The following BRD4 variants were observed in gnomAD, a reference collection of about 807,000 sequenced individuals.
BRD4 encodes bromodomain containing 4, also known as bromodomain-containing protein 4.
In BRD4, 16 loss-of-function variants were observed where a neutral mutation model predicts 142.1. The ratio of observed to expected loss-of-function variants is 0.11; its 90% confidence interval spans 0.08 to 0.17. BRD4 has a LOEUF of 0.17. BRD4 is among the 10% of genes least tolerant of loss of function. The pLI is 1.00. For synonymous variants in BRD4, 833 were observed against 707.5 expected, an observed-to-expected ratio of 1.18 and a Z score of -2.82; for missense variants, 1,424 against 1,810.9, an observed-to-expected ratio of 0.79 and a Z score of 3.88.
intron 11 of BRD4, chr19:15,248,093 G>A (rs2047307394): frequency 4.6e-6 from 1 of 219,062 alleles, no homozygotes; most frequent in Non-Finnish European, 9.2e-6. Flanking sequence ...TTTAAAAAAG[G>A]AGAAAAAATG....
chr19:15,315,374 CTGCAGTGAA>C (rs2048007975), intron 1 of BRD4, among the ~76,000 whole-genome samples: 1 of 152,130 alleles, frequency 6.6e-6, no homozygotes, highest in South Asian at 2.1e-4. Flanking sequence ...ACTGTCATGT[CTGCAGTGAA>C]TGCAGAACAG....
chr19:15,281,534 A>C (rs941026713), intron 1 of BRD4, among the ~76,000 whole-genome samples: 2 of 152,226 alleles, frequency 1.3e-5, no homozygotes, highest in African/African-American at 4.8e-5. Flanking sequence ...ATGCTGCAGC[A>C]TCTTTTCACT....
At chr19:15,280,227 G>A in intron 1 of BRD4, 1 of 1,002,432 alleles carries the variant, frequency 1.0e-6, no homozygotes, top group Non-Finnish European at 1.2e-6. Context: ...AACAGTGTGT[G>A]CTTCAAGTCC....
rs2047200855 is a variant in BRD4, at chr19:15,237,273, AAAG to A, written c.*1101_*1103del. The A allele has an allele frequency of 4.9e-6, 1 of 203,286 alleles. No homozygotes were observed. Among genetic ancestry groups the A allele is most frequent in the Non-Finnish European group, 1.0e-5 (1 of 100,086 alleles). 12.6% of individuals were successfully genotyped at this position (203,286 alleles called of 1,614,324 possible). A position where few individuals can be genotyped will look rare whatever the true frequency, so the allele number is the denominator to read the frequency against. On this transcript the variant is annotated 3_prime_UTR_variant, in exon 20 of 20. Coordinates refer to ENST00000679869, the MANE Select transcript of BRD4 (RefSeq NM_001379291.1). ...GGGGGGGGGGGGTGGAGGGGAAAGAAAAGAAATTGTAGCTTTCTGGTTTTATAA... is the reference window on the plus strand; with the variant it reads ...GGGGGGGGGGGGTGGAGGGGAAAGAAAAATTGTAGCTTTCTGGTTTTATAA...
Position 15,237,803 on chromosome 19 carries a change from C to T in BRD4, c.*574G>A, listed in dbSNP as rs974663828. ...TGCACAAGCAAACACTTACAGAGAG[C>T]GGCTCTCAATTAAAGGCTTGTGGGG... On this transcript the variant is annotated 3_prime_UTR_variant, in exon 20 of 20. Coordinates refer to ENST00000679869, the MANE Select transcript of BRD4 (RefSeq NM_001379291.1). 2 of 231,756 alleles carry T rather than the reference C, an allele frequency of 8.6e-6. No homozygotes were observed. The highest frequency in any genetic ancestry group is 1.2e-4 in the East Asian group (2 of 16,338). The allele number at this position is 231,756 out of a possible 1,614,324, so 14.4% of individuals were successfully genotyped here.
At chr19:15,318,093 G>A (rs2048031474) in intron 1 of BRD4, among the ~76,000 whole-genome samples, 1 of 152,112 alleles carries the variant, frequency 6.6e-6, no homozygotes, top group South Asian at 2.1e-4. Flanking sequence ...ACTCTTTCAC[G>A]CACATGATCT....
At chr19:15,258,340 T>C (rs931387957) in intron 7 of BRD4, among the ~76,000 whole-genome samples, 1 of 152,336 alleles carries the variant, frequency 6.6e-6, no homozygotes, top group Admixed American at 6.5e-5. Context: ...AACTTTTTTT[T>C]TGGAGACAGT....
At position 15,256,778 on chromosome 19, in the gene BRD4, A is replaced by G. The variant is rs137910524; in HGVS notation, c.1551+186T>C. 4.7e-3 allele frequency among the ~76,000 whole-genome samples: 719 copies of G among 152,280 alleles called. 5 individuals carry two copies. The highest frequency in any genetic ancestry group is 0.017 in the African/African-American group (700 of 41,546). On this transcript the variant is annotated intron_variant, in intron 8 of 19. Transcript: ENST00000679869. ...ATCCCCAACCGCAAGCTCAACACAT[A>G]TATCATACATACGTGTATGATCAAC...
intron 11 of BRD4, among the ~76,000 whole-genome samples, chr19:15,252,556 TG>T (rs1489287805): frequency 6.6e-6 from 1 of 152,086 alleles, no homozygotes; most frequent in Admixed American, 6.5e-5. Context: ...CTGCTGCGAG[TG>T]GGGGCCCTAG....
intron 1 of BRD4, among the ~76,000 whole-genome samples, chr19:15,303,133 T>C (rs10407031): frequency 0.013 from 1,982 of 151,732 alleles, 46 homozygotes; most frequent in African/African-American, 0.045. Context: ...AAAGGAGTAA[T>C]ACACAGTCCA....
In BRD4 at chr19:15,239,651, G is replaced by A. The variant is rs1599429491; in HGVS notation, c.3445+8C>T. On this transcript the variant is annotated splice_region_variant and intron_variant, in intron 16 of 19. Coordinates refer to ENST00000679869, the MANE Select transcript of BRD4 (RefSeq NM_001379291.1). This position sits in a 1 kb window ranked among gnomAD's most constrained non-coding sequence, Gnocchi z 7.4. ...TGAGCCCTGGCTGTGGGCAGGGAGA[G>A]CACTCACGCTGGGGCAGGTGGACGG... 6 of 1,573,188 alleles carry A rather than the reference G, an allele frequency of 3.8e-6. No individual in the cohort carries two copies. The East Asian group carries it at 1.3e-4, about 35-fold the overall frequency.
In BRD4 at chr19:15,239,982, G is replaced by A. The variant is rs1215764368; in HGVS notation, c.3210C>T (p.Ser1070=). ...REAPSPLMIH[S]PQMSQFQSLT... is the part of the protein sequence containing the mutation. ...GGCTCTGGAACTGTGACATCTGGGG[G>A]GAATGTATCATAAGCGGGGAGGGGG... The change falls in exon 15 of 20, where the codon TCC becomes TCT. Residue 1070 remains serine, a synonymous_variant. Transcript: ENST00000679869. The surrounding 1 kb of genome is among the most constrained non-coding windows in gnomAD (Gnocchi z 7.4). The A allele has an allele frequency of 6.2e-6, 10 of 1,613,688 alleles. No individual in the cohort carries two copies. The highest frequency in any genetic ancestry group is 8.5e-6 in the Non-Finnish European group (10 of 1,179,944).
chr19:15,280,169 G>T, intron 1 of BRD4: 1 of 813,016 alleles, frequency 1.2e-6, no homozygotes, highest in Non-Finnish European at 1.5e-6. Flanking sequence ...ATCCCCATGG[G>T]GACAGAGGCA....
intron 11 of BRD4, chr19:15,248,481 C>G (rs977527271): frequency 9.1e-5 from 20 of 220,308 alleles, no homozygotes; most frequent in Non-Finnish European, 1.5e-4. Flanking sequence ...TTCACCAGTG[C>G]CTGCCTGGCA....
At chr19:15,261,132 G>A (rs746594501) in intron 7 of BRD4, among the ~76,000 whole-genome samples, 2 of 152,304 alleles carry the variant, frequency 1.3e-5, no homozygotes, top group South Asian at 2.1e-4. Context: ...TGGAGGAGTT[G>A]AAGGCACCAA....
rs2047197537 is a variant in BRD4 at position 15,237,062 on chromosome 19, T to C, written c.*1315A>G. The C allele has an allele frequency of 4.9e-6, 1 of 205,428 alleles. No individual in the cohort carries two copies. Among genetic ancestry groups the C allele is most frequent in the African/African-American group, 2.3e-5 (1 of 42,876 alleles). 12.7% of individuals were successfully genotyped at this position (205,428 alleles called of 1,614,324 possible). ...AGCATGGGCAGGAGCGGCCAGCTGG[T>C]TGGGGCTGGGCGCCAGGTAGGGGAG... On this transcript the variant is annotated 3_prime_UTR_variant, in exon 20 of 20. Coordinates refer to ENST00000679869, the MANE Select transcript of BRD4 (RefSeq NM_001379291.1).
intron 2 of BRD4, among the ~76,000 whole-genome samples, chr19:15,271,207 C>T (rs2047583804): frequency 6.6e-6 from 1 of 152,192 alleles, no homozygotes; most frequent in Non-Finnish European, 1.5e-5. Context: ...CTCAGCCCTC[C>T]CTGCTTCAGT....
In BRD4 at chr19:15,265,638, C is replaced by T. The variant is rs2145604494; in HGVS notation, c.565G>A (p.Ala189Thr). The T allele has an allele frequency of 1.9e-6, 3 of 1,614,122 alleles. No individual in the cohort carries two copies. Among genetic ancestry groups the T allele is most frequent in the Non-Finnish European group, 2.5e-6 (3 of 1,180,008 alleles). The change falls in exon 5 of 20, where the codon GCA becomes ACA. Residue 189 changes from alanine to threonine, a missense_variant. Physicochemically the swap from Ala to Thr is moderately conservative, Grantham distance 58 (BLOSUM62 0). This residue lies in a region of BRD4 where 140 missense variants were observed against 131.7 expected (regional missense o/e 1.06). Coordinates refer to ENST00000679869, the MANE Select transcript of BRD4 (RefSeq NM_001379291.1). The part of the protein sequence containing the change: ...RGRGRKETGT[A>T]KPGVSTVPNT... ...GGTACCGTGGAAACGCCAGGTTTTG[C>T]TGTCCCTACAAATCATAATAAGACG... is the stretch of plus-strand genomic sequence containing the variant.
At chr19:15,254,765 G>A (rs1320049955) in intron 10 of BRD4, among the ~76,000 whole-genome samples, 1 of 152,090 alleles carries the variant, frequency 6.6e-6, no homozygotes, top group Non-Finnish European at 1.5e-5. Flanking sequence ...AGCTAGTCAG[G>A]GCTGGGGACA....
Sources: allele counts gnomAD v4.1 joint callset (sites outside exome capture counted in the v4.1 genomes callset), GRCh38; gene constraint gnomAD v4.1.1; regional missense constraint gnomAD v4.1.1; non-coding constraint Gnocchi (gnomAD v3.1); transcripts MANE v1.5; gene names NCBI Gene and HGNC (gene_info 2026-07-23, HGNC 2026-07-21).